Variants in CRTAC1 observed in about 807,000 individuals in gnomAD.
The protein encoded by CRTAC1 is acidic secreted protein in cartilage.
A neutral mutation model predicts 67.8 loss-of-function variants in CRTAC1; 37 were observed. That is an observed-to-expected ratio of 0.55 (90% CI 0.42 to 0.72). The LOEUF (loss-of-function observed/expected upper bound fraction) is 0.72, where lower values mean the gene tolerates loss of function less well. CRTAC1 is among the 30% of genes least tolerant of loss of function. CRTAC1 has a pLI of 0.00. For missense variants in CRTAC1, 780 were observed against 931.6 expected (o/e 0.84, Z 2.12); for synonymous variants, 348 against 371.0 (o/e 0.94, Z 0.71).
intron 4 of CRTAC1, among the ~76,000 whole-genome samples, chr10:97,920,783 G>A (rs1474385600): frequency 6.6e-6 from 1 of 152,236 alleles, no homozygotes; most frequent in Non-Finnish European, 1.5e-5. Context: ...TCCTTGCAGG[G>A]TTCTTGAGAA....
Position 97,889,067 on chromosome 10 carries a change from C to A in CRTAC1, c.1487-4716G>T, listed in dbSNP as rs371762312. On this transcript the variant is annotated intron_variant, in intron 11 of 14. Transcript: ENST00000370597. ...CACCTGCAAGCAATTAGCTGAAAGG[C>A]GGTGGCATGTGTGGGTGGGGCTGGG... Among the ~76,000 whole-genome samples, 34 of 123,068 alleles carry A rather than the reference C, an allele frequency of 2.8e-4. No individual in the cohort carries two copies. The East Asian group carries it at 3.4e-3, about 12-fold the overall frequency. The allele number at this position is 123,068 out of a possible 152,430, so 80.7% of individuals were successfully genotyped here.
chr10:98,024,589 C>G (rs1843186699), intron 1 of CRTAC1, among the ~76,000 whole-genome samples: 1 of 152,154 alleles, frequency 6.6e-6, no homozygotes, highest in Non-Finnish European at 1.5e-5. Flanking sequence ...AACCAACTTA[C>G]AGGGCCAGGG....
chr10:97,988,193 T>G (rs902342148), intron 2 of CRTAC1, among the ~76,000 whole-genome samples: 1 of 151,038 alleles, frequency 6.6e-6, no homozygotes, highest in African/African-American at 2.4e-5. Context: ...AAGGCTCAGT[T>G]AATCTGGTCT....
intron 5 of CRTAC1, 72 bp downstream of exon 5, chr10:97,917,428 C>T: frequency 7.8e-7 from 1 of 1,284,642 alleles, no homozygotes; most frequent in South Asian, 2.3e-5. Context: ...ATGAATTAGA[C>T]TCAGCCTTGC....
intron 2 of CRTAC1, among the ~76,000 whole-genome samples, chr10:97,978,995 G>T (rs1321144119): frequency 1.3e-5 from 2 of 152,096 alleles, no homozygotes; most frequent in African/African-American, 4.8e-5. Flanking sequence ...TGTGTGTGAT[G>T]ACCTGTGACT....
At chr10:98,016,396 G>A (rs747402634) in intron 1 of CRTAC1, among the ~76,000 whole-genome samples, 2 of 152,154 alleles carry the variant, frequency 1.3e-5, no homozygotes, top group Non-Finnish European at 1.5e-5. Flanking sequence ...TTTGTCATAG[G>A]TGTTTAAAAG....
At chr10:97,999,142 C>T (rs1842640931) in intron 2 of CRTAC1, among the ~76,000 whole-genome samples, 2 of 152,232 alleles carry the variant, frequency 1.3e-5, no homozygotes, top group Admixed American at 6.5e-5. Context: ...CCTGCCCTCC[C>T]AGGCACAGCT....
intron 2 of CRTAC1, among the ~76,000 whole-genome samples, chr10:97,956,464 T>A (rs1352409384): frequency 6.6e-6 from 1 of 152,204 alleles, no homozygotes; most frequent in African/African-American, 2.4e-5. Flanking sequence ...TCAGTGTTCC[T>A]GAGGAAGAAT....
At chr10:97,925,632 A>C (rs905971774) in intron 3 of CRTAC1, among the ~76,000 whole-genome samples, 2 of 118,124 alleles carry the variant, frequency 1.7e-5, no homozygotes, top group African/African-American at 3.3e-5. Flanking sequence ...GTGTGAGGGG[A>C]GGGTGAGTGA....
chr10:97,874,627 C>T (rs963488867), intron 14 of CRTAC1, among the ~76,000 whole-genome samples: 10 of 152,294 alleles, frequency 6.6e-5, no homozygotes, highest in Admixed American at 3.9e-4. Flanking sequence ...CCATCCTGAA[C>T]GTGGCTACTT....
At chr10:97,897,785 T>G (rs2050482300) in intron 8 of CRTAC1, among the ~76,000 whole-genome samples, 1 of 152,270 alleles carries the variant, frequency 6.6e-6, no homozygotes, top group Non-Finnish European at 1.5e-5. Context: ...ACTTGGTGTA[T>G]TCTCACAGCC....
Position 97,895,365 on chromosome 10 carries a change from C to T in CRTAC1, c.1366G>A (p.Ala456Thr), listed in dbSNP as rs2136556755. ...LRVVPRTRFG[A>T]FARGAKVVLY... ...ACGACCTTAGCTCCCCTGGCAAAGG[C>T]CCCAAACCGGGTGCGTGGCACCACT... The change falls in exon 11 of 15, where the codon GCC (alanine) becomes ACC (threonine). Residue 456 changes from alanine (A) to threonine (T), a missense_variant. Transcript: ENST00000370597. This position sits in a 1 kb window ranked among gnomAD's most constrained non-coding sequence, Gnocchi z 4.2. 1 of 1,612,576 alleles carries T rather than the reference C, an allele frequency of 6.2e-7. No homozygotes were observed. The highest frequency in any genetic ancestry group is 8.5e-7 in the Non-Finnish European group (1 of 1,179,462).
chr10:97,928,778 C>G (rs11189441), intron 3 of CRTAC1, among the ~76,000 whole-genome samples: 118,899 of 151,956 alleles, frequency 0.78, 48,592 homozygotes, highest in Non-Finnish European at 0.89. Context: ...GAGAAAAAGG[C>G]ACAGAGGGGA....
At chr10:97,927,786 C>G (rs906437605) in intron 3 of CRTAC1, among the ~76,000 whole-genome samples, 1 of 152,214 alleles carries the variant, frequency 6.6e-6, no homozygotes, top group African/African-American at 2.4e-5. Flanking sequence ...GAAGAGCAAA[C>G]GCTCTGGCAG....
chr10:98,005,587 T>C (rs1340745023), intron 2 of CRTAC1, among the ~76,000 whole-genome samples: 1 of 151,438 alleles, frequency 6.6e-6, no homozygotes, highest in Non-Finnish European at 1.5e-5. Context: ...TGTGCATATA[T>C]ATATATTTCA....
At chr10:97,865,783 G>T (rs552576574) in intron 14 of CRTAC1, 69 bp from the exon 15 acceptor site, 3 of 1,461,690 alleles carry the variant, frequency 2.1e-6, no homozygotes, top group South Asian at 1.4e-5. Flanking sequence ...CAGAGCACCC[G>T]CTTCTGAGTC....
chr10:97,865,492 C>T lies in CRTAC1; in HGVS notation c.*56G>A. ...CCTACTGTCTAGGCAGCAGCACAAG[C>T]CCACTTTCCCACTCCCCTGCTGGAC... On this transcript the variant is annotated 3_prime_UTR_variant, in exon 15 of 15. Transcript: ENST00000370597. 1 of 1,555,966 alleles carries T rather than the reference C, an allele frequency of 6.4e-7. No individual in the cohort carries two copies. The highest frequency in any genetic ancestry group is 1.8e-5 in the Admixed American group (1 of 56,760).
rs1275528034 is a variant in CRTAC1 at position 97,894,708 on chromosome 10, TTACATATATATATA to T, written c.1486+523_1486+536del. ...CCACTGTGCCCAGCCCCTGATGCTT[TTACATATATATATA>T]TATATATATATATATATATATATAT... is the stretch of plus-strand genomic sequence containing the variant. On this transcript the variant is annotated intron_variant, in intron 11 of 14. Transcript: ENST00000370597. Among the ~76,000 whole-genome samples, 29 of 39,990 alleles carry T rather than the reference TTACATATATATATA, an allele frequency of 7.3e-4. 1 individual carries two copies. The highest frequency in any genetic ancestry group is 3.2e-3 in the East Asian group (5 of 1,554). The allele number at this position is 39,990 out of a possible 152,430, so 26.2% of individuals were successfully genotyped here.
intron 2 of CRTAC1, among the ~76,000 whole-genome samples, chr10:97,953,281 A>T (rs916440349): frequency 6.6e-6 from 1 of 152,024 alleles, no homozygotes; most frequent in Non-Finnish European, 1.5e-5. Flanking sequence ...TTTCCTTTTG[A>T]TATGTGCATT....
Sources: gnomAD v4.1 joint callset for allele counts (sites outside exome capture counted in the v4.1 genomes callset) on GRCh38, gnomAD v4.1.1 for gene constraint, Gnocchi (gnomAD v3.1) non-coding constraint, MANE v1.5 for transcripts, NCBI Gene and HGNC (gene_info 2026-07-23, HGNC 2026-07-21) for gene names.